The following ST7L variants were observed in gnomAD, a reference collection of about 807,000 sequenced individuals.
ST7L encodes the protein suppressor of tumorigenicity 7 protein-like.
In ST7L, 57 loss-of-function variants were observed where a neutral mutation model predicts 72.5. The observed-to-expected ratio is 0.79, with a 90% CI of 0.64 to 0.98. The LOEUF (loss-of-function observed/expected upper bound fraction) is 0.98, where lower values mean the gene tolerates loss of function less well. ST7L is among the 50% of genes least tolerant of loss of function. The pLI, the probability that ST7L is intolerant of heterozygous loss-of-function variation, is 0.00. For missense variants in ST7L, 576 were observed against 672.2 expected (o/e 0.86, Z 1.58); for synonymous variants, 221 against 240.9 (o/e 0.92, Z 0.77).
chr1:112,578,306 G>A (rs1178935288), intron 10 of ST7L, 39 bp downstream of exon 10: 2 of 1,543,656 alleles, frequency 1.3e-6, no homozygotes, highest in Admixed American at 1.7e-5. Flanking sequence ...ACTGAGTTTA[G>A]CAGTCTTTCC....
downstream of ST7L, chr1:112,523,063 C>T (rs976396857): frequency 6.6e-6 from 1 of 152,186 alleles, no homozygotes; most frequent in Non-Finnish European, 1.5e-5. Flanking sequence ...TCCTGGCCAG[C>T]CCCTGTTCTC....
intron 12 of ST7L, among the ~76,000 whole-genome samples, chr1:112,551,036 A>T (rs1658037601): frequency 6.7e-6 from 1 of 148,590 alleles, no homozygotes; most frequent in African/African-American, 2.5e-5. Context: ...TATAACTGGG[A>T]TGTATATAAC....
intron 14 of ST7L, among the ~76,000 whole-genome samples, chr1:112,536,745 G>A (rs1357283115): frequency 1.3e-5 from 2 of 152,012 alleles, no homozygotes; most frequent in African/African-American, 2.4e-5. Flanking sequence ...CCAATTATGA[G>A]TTGCTCAGAA....
At chr1:112,549,893 T>C (rs1159546742) in intron 13 of ST7L, among the ~76,000 whole-genome samples, 1 of 152,206 alleles carries the variant, frequency 6.6e-6, no homozygotes, top group African/African-American at 2.4e-5. Context: ...GCATTCAGTC[T>C]TTCTCCATTA....
chr1:112,601,472 C>G (rs1667380468), intron 3 of ST7L, among the ~76,000 whole-genome samples: 2 of 152,044 alleles, frequency 1.3e-5, no homozygotes, highest in African/African-American at 4.8e-5. Context: ...GTCTCAATCT[C>G]CTGACCTCGT....
chr1:112,534,197 T>A (rs12117479), intron 14 of ST7L, among the ~76,000 whole-genome samples: 29,555 of 152,168 alleles, frequency 0.19, 3,592 homozygotes, highest in East Asian at 0.46. Flanking sequence ...AGCAAGCCAC[T>A]GGATATCACC....
At chr1:112,618,763 C>A (rs1670360772) in intron 1 of ST7L, 146 bp downstream of exon 1, 3 of 1,434,984 alleles carry the variant, frequency 2.1e-6, no homozygotes, top group Non-Finnish European at 2.8e-6. Flanking sequence ...AAGGTTGCAG[C>A]CCAAAAGAAA....
At chr1:112,545,959 C>A (rs983633041) in intron 13 of ST7L, among the ~76,000 whole-genome samples, 4 of 152,154 alleles carry the variant, frequency 2.6e-5, no homozygotes, top group African/African-American at 9.7e-5. Context: ...CTAATCCTGT[C>A]TTTAGGCTAC....
chr1:112,615,028 C>G (rs1669649136), intron 2 of ST7L, among the ~76,000 whole-genome samples: 1 of 152,066 alleles, frequency 6.6e-6, no homozygotes, highest in Non-Finnish European at 1.5e-5. Context: ...GAAACAGAGT[C>G]TTGCTCTGTC....
intron 11 of ST7L, among the ~76,000 whole-genome samples, chr1:112,575,111 C>T (rs1008944326): frequency 3.9e-5 from 6 of 152,058 alleles, no homozygotes; most frequent in Admixed American, 1.3e-4. Context: ...TGGTGGCGCG[C>T]ACCTGTAGTC....
At position 112,541,924 on chromosome 1, in the gene ST7L, T is replaced by G. The variant is rs746542765; in HGVS notation, c.1629+27A>C. Reference sequence around the variant, plus strand: ...TTTCTTGTGTGTTTTACAAATAATCTACACAAGTCCTTGAGATCATACTTA... The same window carrying G: ...TTTCTTGTGTGTTTTACAAATAATCGACACAAGTCCTTGAGATCATACTTA... On this transcript the variant is annotated intron_variant, in intron 14 of 14. Transcript: ENST00000358039. 5 of 1,608,036 alleles carry G rather than the reference T, an allele frequency of 3.1e-6. No homozygotes were observed. The African/African-American group carries it at 6.7e-5, about 22-fold the overall frequency.
At chr1:112,565,043 T>TTTA (rs964096827) in intron 11 of ST7L, among the ~76,000 whole-genome samples, 7 of 150,614 alleles carry the variant, frequency 4.6e-5, no homozygotes, top group Non-Finnish European at 8.9e-5. Flanking sequence ...GTAATTTTTA[T>TTTA]TTATTATTAT....
At chr1:112,547,120 G>A (rs183445564) in intron 13 of ST7L, among the ~76,000 whole-genome samples, 157 of 151,564 alleles carry the variant, frequency 1.0e-3, no homozygotes, top group Middle Eastern at 7.0e-3. Context: ...CCAAGTCACC[G>A]AAGTCAGAAA....
chr1:112,584,795 C>T (rs1266078353), intron 6 of ST7L, among the ~76,000 whole-genome samples: 1 of 152,070 alleles, frequency 6.6e-6, no homozygotes, highest in Non-Finnish European at 1.5e-5. Context: ...GTTGATCATA[C>T]CTGCTTTTAG....
In ST7L at chr1:112,591,520, C is replaced by G; in HGVS notation, c.701+5G>C. 1 of 1,603,360 alleles carries G rather than the reference C, an allele frequency of 6.2e-7. No homozygotes were observed. The highest frequency in any genetic ancestry group is 2.2e-4 in the Middle Eastern group (1 of 4,528). On this transcript the variant is annotated splice_donor_5th_base_variant and intron_variant, in intron 6 of 14. Coordinates refer to ENST00000358039, the MANE Select transcript of ST7L (RefSeq NM_017744.5). ...AAATTTATTTTCCATATATTTCAAA[C>G]TTACTCATTGTTTAATTCTAAAGCT...
intron 1 of ST7L, chr1:112,618,457 T>C (rs913844503): frequency 1.0e-5 from 2 of 199,746 alleles, no homozygotes; most frequent in African/African-American, 4.7e-5. Context: ...ATCATGCCAT[T>C]TTCTTTCTCT....
chr1:112,551,917 ACTT>A (rs1354284724), intron 12 of ST7L, among the ~76,000 whole-genome samples: 1 of 152,208 alleles, frequency 6.6e-6, no homozygotes, highest in East Asian at 1.9e-4. Context: ...GATCCAAAAC[ACTT>A]CTTATATTAA....
chr1:112,599,329 T>C (rs925311734), intron 4 of ST7L, among the ~76,000 whole-genome samples: 2 of 151,998 alleles, frequency 1.3e-5, no homozygotes, highest in African/African-American at 4.8e-5. Flanking sequence ...AGAATGTCAC[T>C]ATCTTACACT....
intron 2 of ST7L, among the ~76,000 whole-genome samples, chr1:112,613,640 C>T (rs1192087975): frequency 1.3e-5 from 2 of 152,158 alleles, no homozygotes; most frequent in Non-Finnish European, 2.9e-5. Context: ...TACAGTTTAA[C>T]CTTTAAAATG....
Sources: gnomAD v4.1 joint callset for allele counts (sites outside exome capture counted in the v4.1 genomes callset) on GRCh38, gnomAD v4.1.1 for gene constraint, MANE v1.5 for transcripts, NCBI Gene and HGNC (gene_info 2026-07-23, HGNC 2026-07-21) for gene names.